LAMA2: variants seen among roughly 807,000 people sequenced by gnomAD.
The protein encoded by LAMA2 is laminin subunit alpha 2, also known as laminin subunit alpha-2.
LAMA2 carries 269 observed loss-of-function variants against 364.8 expected under a neutral mutation model. That is an observed-to-expected ratio of 0.74 (90% confidence interval 0.67 to 0.82). The LOEUF (loss-of-function observed/expected upper bound fraction) is 0.82, where lower values mean the gene tolerates loss of function less well. Ranked by LOEUF, LAMA2 falls within the 40% of genes least tolerant of loss-of-function variation. The probability of loss-of-function intolerance (pLI) is 0.00; values close to 1 mark genes in which losing one functional copy is unlikely to be tolerated. For synonymous variants in LAMA2, 1,379 were observed against 1,370.6 expected, an observed-to-expected ratio of 1.01 and a Z score of -0.14; for missense variants, 3,807 against 3,873.2, an observed-to-expected ratio of 0.98 and a Z score of 0.45.
chr6:129,141,857 T>C (rs1583121767), intron 4 of LAMA2, among the ~76,000 whole-genome samples: 1 of 152,020 alleles, frequency 6.6e-6, no homozygotes, highest in South Asian at 2.1e-4. Context: ...ACTGTGTGCA[T>C]GTTTGTGTGT....
chr6:128,996,572 T>G (rs1480096906), intron 1 of LAMA2, among the ~76,000 whole-genome samples: 2 of 152,078 alleles, frequency 1.3e-5, no homozygotes, highest in Non-Finnish European at 2.9e-5. Flanking sequence ...AAAACGACAA[T>G]GAGATACCAA....
At chr6:129,100,249 C>T (rs1775446423) in intron 4 of LAMA2, among the ~76,000 whole-genome samples, 1 of 152,036 alleles carries the variant, frequency 6.6e-6, no homozygotes, top group African/African-American at 2.4e-5. Flanking sequence ...CTTTAATTGG[C>T]TATATTGTTT....
At position 129,313,089 on chromosome 6, in the gene LAMA2, A is replaced by C. The variant is rs760558443; in HGVS notation, c.3403A>C (p.Thr1135Pro). The C allele has an allele frequency of 7.5e-5, 120 of 1,598,506 alleles. No homozygotes were observed. The highest frequency in any genetic ancestry group is 9.8e-5 in the Non-Finnish European group (115 of 1,167,680). Reference protein sequence around the residue: ...CSCSDQTGQCTCKVNVEGIHC... With the variant: ...CSCSDQTGQCPCKVNVEGIHC... ...CTGTAGTGATCAAACTGGGCAGTGC[A>C]CTTGTAAGGTATGTGCTGCTGACAT... is the stretch of plus-strand genomic sequence containing the variant. Residue 1135 changes from threonine to proline, a missense_variant, in exon 23 of 65, where the codon ACT (threonine) becomes CCT (proline). Physicochemically the swap from Thr to Pro is conservative, Grantham distance 38 (BLOSUM62 -1). Around this residue, in one of 3 missense-constraint regions of LAMA2, gnomAD observed 3,333 missense variants for 3,345.7 expected, o/e 1.00. Transcript: ENST00000421865.
intron 12 of LAMA2, among the ~76,000 whole-genome samples, chr6:129,235,107 A>G (rs1353610663): frequency 6.6e-6 from 1 of 152,174 alleles, no homozygotes; most frequent in Non-Finnish European, 1.5e-5. Flanking sequence ...AGCAAATTTT[A>G]CATTCACTAG....
At chr6:129,067,284 C>T (rs1789428302) in intron 3 of LAMA2, among the ~76,000 whole-genome samples, 2 of 152,138 alleles carry the variant, frequency 1.3e-5, no homozygotes, top group African/African-American at 4.8e-5. Context: ...GTTAAAATCA[C>T]AGTTCTTTAC....
intron 1 of LAMA2, among the ~76,000 whole-genome samples, chr6:128,932,409 C>T (rs544144069): frequency 1.1e-3 from 162 of 152,266 alleles, no homozygotes; most frequent in African/African-American, 3.8e-3. Flanking sequence ...TAAACTGTTA[C>T]CAAACAGAAT....
chr6:129,148,611 T>C (rs17056862), intron 6 of LAMA2, among the ~76,000 whole-genome samples: 5,611 of 152,126 alleles, frequency 0.037, 218 homozygotes, highest in East Asian at 0.15. Context: ...CTTCTTGCCA[T>C]ATCCAAAAAT....
At chr6:129,140,186 T>A (rs1045185960) in intron 4 of LAMA2, among the ~76,000 whole-genome samples, 30 of 152,112 alleles carry the variant, frequency 2.0e-4, no homozygotes, top group Admixed American at 6.6e-4. Context: ...TTAAAATGTA[T>A]TCTAAAATAA....
At chr6:129,492,101 CT>C (rs1784894914) in intron 57 of LAMA2, 24 bp downstream of exon 57, 1 of 1,597,574 alleles carries the variant, frequency 6.3e-7, no homozygotes. Flanking sequence ...CTCATTACTA[CT>C]ACTAATTTTT....
intron 12 of LAMA2, among the ~76,000 whole-genome samples, chr6:129,227,257 T>G (rs188382192): frequency 7.2e-4 from 109 of 152,292 alleles, no homozygotes; most frequent in African/African-American, 2.5e-3. Flanking sequence ...GGTTTTTAGC[T>G]TCTTTGTGAT....
At chr6:129,014,812 A>G (rs989075423) in intron 1 of LAMA2, among the ~76,000 whole-genome samples, 12 of 152,134 alleles carry the variant, frequency 7.9e-5, no homozygotes, top group Non-Finnish European at 1.2e-4. Context: ...TATCATCTTT[A>G]AAACAAAGGA....
intron 1 of LAMA2, among the ~76,000 whole-genome samples, chr6:128,958,080 T>C (rs1043709433): frequency 1.3e-5 from 2 of 152,000 alleles, no homozygotes; most frequent in African/African-American, 2.4e-5. Context: ...TTTTTCTTAT[T>C]ATAAAATATT....
At chr6:129,311,907 T>C (rs1774252139) in intron 22 of LAMA2, among the ~76,000 whole-genome samples, 1 of 144,358 alleles carries the variant, frequency 6.9e-6, no homozygotes, top group Non-Finnish European at 1.5e-5. Flanking sequence ...GGATACCAAT[T>C]TGAGAGGTAA....
intron 4 of LAMA2, among the ~76,000 whole-genome samples, chr6:129,128,436 C>A (rs1384250447): frequency 6.6e-6 from 1 of 152,020 alleles, no homozygotes; most frequent in Non-Finnish European, 1.5e-5. Context: ...AGTGTGATAT[C>A]TTTATTTTTG....
chr6:128,936,248 A>T (rs1779803709), intron 1 of LAMA2, among the ~76,000 whole-genome samples: 1 of 152,194 alleles, frequency 6.6e-6, no homozygotes, highest in Non-Finnish European at 1.5e-5. Flanking sequence ...CAGCACCCTT[A>T]TCTTATTCCT....
chr6:129,263,612 C>T (rs1029362030), intron 15 of LAMA2, among the ~76,000 whole-genome samples: 9 of 151,628 alleles, frequency 5.9e-5, no homozygotes, highest in Non-Finnish European at 8.8e-5. Flanking sequence ...ATTGGAAAAG[C>T]AAGGCCATGA....
At chr6:129,044,043 T>C (rs1787290762) in intron 1 of LAMA2, among the ~76,000 whole-genome samples, 1 of 152,184 alleles carries the variant, frequency 6.6e-6, no homozygotes, top group African/African-American at 2.4e-5. Context: ...TTCAAGCCAG[T>C]AAAACTGTGG....
intron 9 of LAMA2, among the ~76,000 whole-genome samples, chr6:129,173,380 A>G (rs1462469680): frequency 1.3e-5 from 2 of 152,132 alleles, no homozygotes; most frequent in East Asian, 1.9e-4. Flanking sequence ...CTTCTACGAT[A>G]TCTTTATCAT....
chr6:129,047,202 A>G (rs894616532), intron 1 of LAMA2, among the ~76,000 whole-genome samples: 1 of 152,172 alleles, frequency 6.6e-6, no homozygotes, highest in African/African-American at 2.4e-5. Context: ...AAAAAAAAAT[A>G]AGGTAAAAAC....
Sources: allele counts gnomAD v4.1 joint callset (sites outside exome capture counted in the v4.1 genomes callset), GRCh38; gene constraint gnomAD v4.1.1; regional missense constraint gnomAD v4.1.1; transcripts MANE v1.5; gene names NCBI Gene and HGNC (gene_info 2026-07-23, HGNC 2026-07-21).